Variants in GSE1 observed in about 807,000 individuals in gnomAD.
GSE1 encodes the protein genetic suppressor element 1.
Under a neutral mutation model 112.6 loss-of-function variants are expected in GSE1, and 32 were observed. The observed-to-expected ratio is 0.28, with a 90% confidence interval of 0.21 to 0.38. The LOEUF is 0.38. GSE1 is among the 10% of genes least tolerant of loss of function. The pLI is 1.00. For missense variants in GSE1, 2,348 were observed against 1,699.2 expected (o/e 1.38, Z -6.71); for synonymous variants, 1,115 against 735.6 (o/e 1.52, Z -8.35).
chr16:85,462,334 TG>T (rs768515663), intron 2 of GSE1, among the ~76,000 whole-genome samples: 1 of 151,976 alleles, frequency 6.6e-6, no homozygotes, highest in Non-Finnish European at 1.5e-5. Context: ...TGGCTTTTGC[TG>T]GGCAGGAGGG....
In GSE1 at chr16:85,668,177, G is replaced by T. The variant is rs1255941684; in HGVS notation, c.3168G>T (p.Lys1056Asn). 1.2e-6 allele frequency: 2 copies of T among 1,606,776 alleles called. No individual in the cohort carries two copies. The highest frequency in any genetic ancestry group is 2.2e-5 in the East Asian group (1 of 44,764). Residue 1056 changes from lysine to asparagine, a missense_variant, in exon 14 of 16, where the codon AAG becomes AAT. Physicochemically the swap from Lys to Asn is moderately conservative, Grantham distance 94. Transcript: ENST00000253458. ...TGCTGTCTGCAGAGCAGAACCACAA[G>T]GTTGACACGTCCGTCCACTACAACA... The part of the protein sequence containing the change: ...VAVLSAEQNH[K>N]VDTSVHYNIP...
intron 1 of GSE1, among the ~76,000 whole-genome samples, chr16:85,618,756 C>T (rs1453630987): frequency 6.6e-6 from 1 of 152,184 alleles, no homozygotes; most frequent in Non-Finnish European, 1.5e-5. Flanking sequence ...CTCCTGCGCT[C>T]AAGTGATCCT....
intron 2 of GSE1, among the ~76,000 whole-genome samples, chr16:85,449,201 G>A (rs2049599453): frequency 6.6e-6 from 1 of 152,198 alleles, no homozygotes; most frequent in Admixed American, 6.5e-5. Flanking sequence ...CTCTAATGGT[G>A]CCCGTTTCAC....
intron 14 of GSE1, among the ~76,000 whole-genome samples, chr16:85,668,760 T>A (rs1567767532): frequency 6.6e-6 from 1 of 152,198 alleles, no homozygotes; most frequent in Non-Finnish European, 1.5e-5. Context: ...CCTAGTTGGT[T>A]GATTTGCTGA....
intron 2 of GSE1, among the ~76,000 whole-genome samples, chr16:85,365,160 C>G (rs1232366751): frequency 1.3e-5 from 2 of 152,196 alleles, no homozygotes; most frequent in Non-Finnish European, 2.9e-5. Flanking sequence ...TCCTCTGGGA[C>G]AGGGCTGGGG....
intron 1 of GSE1, among the ~76,000 whole-genome samples, chr16:85,620,788 G>T (rs184814192): frequency 6.6e-6 from 1 of 152,090 alleles, no homozygotes; most frequent in African/African-American, 2.4e-5. Flanking sequence ...TGAGGAACCC[G>T]TTTAGAGGGT....
intron 8 of GSE1, among the ~76,000 whole-genome samples, chr16:85,658,564 G>A (rs1020928936): frequency 6.6e-6 from 1 of 152,192 alleles, no homozygotes; most frequent in Non-Finnish European, 1.5e-5. Flanking sequence ...GTAGGGCAGC[G>A]AGGGAATGCG....
intron 2 of GSE1, among the ~76,000 whole-genome samples, chr16:85,401,563 G>C (rs970951362): frequency 5.3e-5 from 8 of 152,314 alleles, no homozygotes; most frequent in Middle Eastern, 6.8e-3. Context: ...GCAGGGTGGA[G>C]GCAGGGGACT....
chr16:85,279,077 C>G (rs2044777380), intron 1 of GSE1: 1 of 152,244 alleles, frequency 6.6e-6, no homozygotes, highest in Admixed American at 6.5e-5. Context: ...AACCTCAACA[C>G]CAGTGTCCTT....
At position 85,402,955 on chromosome 16, in the gene GSE1, A is replaced by G. The variant is rs116424852; in HGVS notation, c.2464+45312A>G. On this transcript the variant is annotated intron_variant, in intron 2 of 2. Coordinates refer to the GSE1 transcript ENST00000637419. Reference sequence around the variant, plus strand: ...TTGCCCCAAAACTTCGTGGCTCCAGACGCCATTTATTATCCCACAGCATGT... The same window carrying G: ...TTGCCCCAAAACTTCGTGGCTCCAGGCGCCATTTATTATCCCACAGCATGT... Among the ~76,000 whole-genome samples, 1,345 of 151,218 alleles carry G rather than the reference A, an allele frequency of 8.9e-3. 12 individuals are homozygous for G. Among genetic ancestry groups the G allele is most frequent in the South Asian group, 0.025 (118 of 4,784 alleles).
chr16:85,331,745 A>G (rs1408543722), intron 1 of GSE1, among the ~76,000 whole-genome samples: 1 of 127,784 alleles, frequency 7.8e-6, no homozygotes, highest in Non-Finnish European at 1.6e-5. Context: ...ATGGGGTTTC[A>G]CCACGTTGCC....
chr16:85,612,250 G>A (rs2048038142), upstream of GSE1, among the ~76,000 whole-genome samples: 1 of 150,522 alleles, frequency 6.6e-6, no homozygotes. Context: ...TGGGGGCGGG[G>A]CGGGGCGGGG....
intron 1 of GSE1, among the ~76,000 whole-genome samples, chr16:85,304,758 G>A (rs1318044440): frequency 6.6e-6 from 1 of 152,148 alleles, no homozygotes; most frequent in Non-Finnish European, 1.5e-5. Context: ...GGGCCCTCTC[G>A]ACTTCACTGG....
chr16:85,618,263 C>T (rs1263888547), intron 1 of GSE1, among the ~76,000 whole-genome samples: 3 of 152,064 alleles, frequency 2.0e-5, no homozygotes. Context: ...TCATCACGTC[C>T]TCACCCCCAC....
intron 1 of GSE1, among the ~76,000 whole-genome samples, chr16:85,626,357 C>G (rs1035251078): frequency 3.9e-5 from 6 of 152,224 alleles, no homozygotes; most frequent in Non-Finnish European, 5.9e-5. Context: ...CCTCAGCCGC[C>G]AGGGTCTGTA....
At chr16:85,664,952 G>C (rs1054036799) in intron 11 of GSE1, 63 bp from the exon 12 acceptor site, 2 of 1,113,580 alleles carry the variant, frequency 1.8e-6, no homozygotes, top group African/African-American at 3.0e-5. Context: ...CTAGAATCCC[G>C]CTGTCCTTCT....
intron 1 of GSE1, among the ~76,000 whole-genome samples, chr16:85,202,895 G>A (rs903331910): frequency 6.6e-6 from 1 of 152,200 alleles, no homozygotes; most frequent in African/African-American, 2.4e-5. Context: ...CCTCCTGGCT[G>A]TGCCCCAGCT....
Position 85,532,685 on chromosome 16 carries a change from C to T in GSE1, c.2465-101229C>T, listed in dbSNP as rs1363000212. Reference sequence around the variant, plus strand: ...CTGGATTCTGAGCAGAGCCCCCAGGCTCCAGCATCGGGTGGAAGGCAGGAT... The same window carrying T: ...CTGGATTCTGAGCAGAGCCCCCAGGTTCCAGCATCGGGTGGAAGGCAGGAT... On this transcript the variant is annotated intron_variant, in intron 2 of 2. Coordinates refer to the GSE1 transcript ENST00000637419. Among the ~76,000 whole-genome samples the T allele has an allele frequency of 2.6e-5, 4 of 152,358 alleles. No individual in the cohort carries two copies. The East Asian group carries it at 5.8e-4, about 22-fold the overall frequency.
intron 1 of GSE1, 26 bp downstream of exon 1, chr16:85,613,424 A>C: frequency 6.5e-7 from 1 of 1,544,348 alleles, no homozygotes; most frequent in Non-Finnish European, 8.7e-7. Flanking sequence ...CCGGCCGGGG[A>C]CGGGGTCCTC....
Sources: gnomAD v4.1 joint callset for allele counts (sites outside exome capture counted in the v4.1 genomes callset) on GRCh38, gnomAD v4.1.1 for gene constraint, MANE v1.5 for transcripts, NCBI Gene and HGNC (gene_info 2026-07-23, HGNC 2026-07-21) for gene names.